NELL1: variants seen among roughly 807,000 people sequenced by gnomAD.
NELL1 encodes protein kinase C-binding protein NELL1.
NELL1 carries 76 observed loss-of-function variants against 107.4 expected under a neutral mutation model. The ratio of observed to expected loss-of-function variants is 0.71; its 90% CI spans 0.59 to 0.86. The LOEUF (loss-of-function observed/expected upper bound fraction) is 0.86, where lower values mean the gene tolerates loss of function less well. Ranked by LOEUF, NELL1 falls within the 40% of genes least tolerant of loss-of-function variation. NELL1 has a pLI of 0.00. For synonymous variants in NELL1, 353 were observed against 341.2 expected (o/e 1.03, Z -0.38); for missense variants, 1,024 against 1,005.5 (o/e 1.02, Z -0.25).
intron 13 of NELL1, among the ~76,000 whole-genome samples, chr11:21,205,904 T>C (rs1235634651): frequency 3.3e-5 from 5 of 152,142 alleles, no homozygotes; most frequent in Non-Finnish European, 7.3e-5. Flanking sequence ...CCAAAGATAG[T>C]TAAATAATTT....
chr11:20,896,978 C>T (rs2134125366), intron 5 of NELL1, among the ~76,000 whole-genome samples: 1 of 152,230 alleles, frequency 6.6e-6, no homozygotes, highest in South Asian at 2.1e-4. Flanking sequence ...ATGAAAATGG[C>T]CATATTGCCC....
intron 15 of NELL1, among the ~76,000 whole-genome samples, chr11:21,378,338 CT>C (rs751552076): frequency 6.6e-6 from 1 of 150,628 alleles, no homozygotes; most frequent in African/African-American, 2.4e-5. Flanking sequence ...AAATTATAAG[CT>C]TTTTTTGACA....
At chr11:20,729,134 TG>T (rs753741792) in intron 2 of NELL1, among the ~76,000 whole-genome samples, 3 of 42,936 alleles carry the variant, frequency 7.0e-5, no homozygotes, top group African/African-American at 1.2e-4. Context: ...AAAATGCTAC[TG>T]ATTTTTTTTT....
chr11:21,057,372 C>CT (rs145220712), intron 12 of NELL1, among the ~76,000 whole-genome samples: 4,240 of 152,048 alleles, frequency 0.028, 116 homozygotes, highest in South Asian at 0.16. Context: ...ATGGGAACTA[C>CT]TTTTTTTACC....
In NELL1 at chr11:20,669,727, C is replaced by T. The variant is rs1393897817; in HGVS notation, c.4C>T (p.Pro2Ser). 2 of 1,613,300 alleles carry T rather than the reference C, an allele frequency of 1.2e-6. No individual in the cohort carries two copies. The highest frequency in any genetic ancestry group is 2.7e-5 in the African/African-American group (2 of 74,882). The change falls in exon 1 of 20, where the codon CCG becomes TCG. Residue 2 changes from proline (P) to serine (S), a missense_variant. Transcript: ENST00000357134. This position sits in a 1 kb window ranked among gnomAD's most constrained non-coding sequence, Gnocchi z 4.4. ...TAGGCGGGGACCCTCGAGAGCGATG[C>T]CGATGGATTTGATTTTAGTTGTGTG... M[P>S]MDLILVVWFC...
At chr11:20,791,583 T>C (rs1465204004) in intron 3 of NELL1, among the ~76,000 whole-genome samples, 1 of 152,186 alleles carries the variant, frequency 6.6e-6, no homozygotes, top group Non-Finnish European at 1.5e-5. Flanking sequence ...CAAATTGCCC[T>C]GGCCAGAACT....
chr11:21,503,025 G>A lies in NELL1; in HGVS notation c.1646-31349G>A, dbSNP rs148831014. On this transcript the variant is annotated intron_variant, in intron 15 of 19. Coordinates refer to ENST00000357134, the MANE Select transcript of NELL1 (RefSeq NM_006157.5). ...AACCTCCCGAGTAGCTGGGATACAG[G>A]CATGTGCCACCATGCCTGGCTAATT... Among the ~76,000 whole-genome samples, 804 of 152,200 alleles carry A rather than the reference G, an allele frequency of 5.3e-3. 7 individuals carry two copies. Among genetic ancestry groups the A allele is most frequent in the African/African-American group, 0.018 (766 of 41,532 alleles).
intron 2 of NELL1, among the ~76,000 whole-genome samples, chr11:20,744,870 A>G (rs1430541033): frequency 1.3e-5 from 2 of 152,204 alleles, no homozygotes; most frequent in African/African-American, 4.8e-5. Flanking sequence ...TTCCTGCCTC[A>G]GAAGCTCTTT....
intron 3 of NELL1, among the ~76,000 whole-genome samples, chr11:20,805,719 G>A (rs1590311604): frequency 6.6e-6 from 1 of 152,112 alleles, no homozygotes; most frequent in Admixed American, 6.5e-5. Flanking sequence ...AGCCAGGATG[G>A]TCTTGATCTC....
At chr11:21,256,325 T>C (rs1858767580) in intron 14 of NELL1, among the ~76,000 whole-genome samples, 1 of 152,064 alleles carries the variant, frequency 6.6e-6, no homozygotes, top group Non-Finnish European at 1.5e-5. Context: ...ACATAAATGC[T>C]ACATTTAGTG....
chr11:20,895,803 G>A (rs1004665443), intron 5 of NELL1, among the ~76,000 whole-genome samples: 2 of 152,160 alleles, frequency 1.3e-5, no homozygotes, highest in Admixed American at 6.5e-5. Flanking sequence ...ACTGCGCCTG[G>A]CCAGATACTT....
intron 12 of NELL1, among the ~76,000 whole-genome samples, chr11:21,068,838 A>C (rs1484932985): frequency 6.6e-6 from 1 of 152,194 alleles, no homozygotes; most frequent in East Asian, 1.9e-4. Flanking sequence ...CCTGAAGGAA[A>C]TCTTCAGGGC....
chr11:20,882,079 T>A (rs1392529185), intron 4 of NELL1, among the ~76,000 whole-genome samples: 1 of 152,214 alleles, frequency 6.6e-6, no homozygotes, highest in Non-Finnish European at 1.5e-5. Context: ...ACCTGCCTTT[T>A]TACATGATCC....
chr11:20,986,142 C>T lies in NELL1; in HGVS notation c.1300+25582C>T, dbSNP rs375403615. 2.0e-5 allele frequency among the ~76,000 whole-genome samples: 3 copies of T among 152,166 alleles called. No individual in the cohort carries two copies. In the East Asian group the frequency reaches 5.8e-4, roughly 29 times the overall value. On this transcript the variant is annotated intron_variant, in intron 12 of 19. Coordinates refer to ENST00000357134, the MANE Select transcript of NELL1 (RefSeq NM_006157.5). ...GCAGCCTCCAGTTTGCCATGCTACC[C>T]TCCGCTCCCTTTTGTGATACACCCA...
chr11:21,208,028 G>A (rs1468659633), intron 13 of NELL1, among the ~76,000 whole-genome samples: 1 of 151,364 alleles, frequency 6.6e-6, no homozygotes, highest in African/African-American at 2.4e-5. Context: ...TCTTTTTTTT[G>A]TTTTGTTTTT....
intron 12 of NELL1, among the ~76,000 whole-genome samples, chr11:21,101,668 C>T (rs1241896020): frequency 1.3e-5 from 2 of 152,160 alleles, no homozygotes; most frequent in South Asian, 2.1e-4. Flanking sequence ...TATCCTTCGC[C>T]CACTTTTTGA....
At chr11:20,819,352 A>C (rs1857697226) in intron 3 of NELL1, among the ~76,000 whole-genome samples, 1 of 152,182 alleles carries the variant, frequency 6.6e-6, no homozygotes, top group South Asian at 2.1e-4. Flanking sequence ...TAACCCAATT[A>C]CAGTGTTGCA....
At chr11:21,113,843 A>T in intron 13 of NELL1, 129 bp downstream of exon 13, 1 of 899,824 alleles carries the variant, frequency 1.1e-6, no homozygotes, top group Non-Finnish European at 1.6e-6. Flanking sequence ...TTATTACTTC[A>T]CCCCACCTTT....
intron 12 of NELL1, among the ~76,000 whole-genome samples, chr11:21,001,750 G>A (rs1263102088): frequency 6.6e-6 from 1 of 151,500 alleles, no homozygotes; most frequent in East Asian, 2.0e-4. Flanking sequence ...ACATTGGAAG[G>A]GGGAGAGGTG....
Sources: gnomAD v4.1 joint callset for allele counts (sites outside exome capture counted in the v4.1 genomes callset) on GRCh38, gnomAD v4.1.1 for gene constraint, Gnocchi (gnomAD v3.1) non-coding constraint, MANE v1.5 for transcripts, NCBI Gene and HGNC (gene_info 2026-07-23, HGNC 2026-07-21) for gene names.